Variants in EGLN1 observed in about 807,000 individuals in gnomAD.
EGLN1 encodes egl nine homolog 1.
Under a neutral mutation model 38.3 loss-of-function variants are expected in EGLN1, and 17 were observed. The ratio of observed to expected loss-of-function variants is 0.44; its 90% CI spans 0.30 to 0.67. EGLN1 has a LOEUF of 0.67. Among genes scored for constraint, EGLN1 ranks in the 30% least tolerant of loss-of-function variants. The probability of loss-of-function intolerance (pLI) is 0.08; values close to 1 mark genes in which losing one functional copy is unlikely to be tolerated. For missense variants in EGLN1, 477 were observed against 603.3 expected, an observed-to-expected ratio of 0.79 and a Z score of 2.19; for synonymous variants, 283 against 257.5, an observed-to-expected ratio of 1.10 and a Z score of -0.95.
At chr1:231,417,572 GAA>G (rs1036027153) in intron 1 of EGLN1, among the ~76,000 whole-genome samples, 1 of 152,074 alleles carries the variant, frequency 6.6e-6, no homozygotes, top group African/African-American at 2.4e-5. Flanking sequence ...TCTTCTTGAT[GAA>G]AACAAGCATA....
chr1:231,394,195 G>T (rs1435143666), intron 1 of EGLN1, among the ~76,000 whole-genome samples: 1 of 152,052 alleles, frequency 6.6e-6, no homozygotes, highest in African/African-American at 2.4e-5. Flanking sequence ...CAAGCTACTA[G>T]CACCACTGGA....
intron 1 of EGLN1, among the ~76,000 whole-genome samples, chr1:231,403,767 CAAAAAAAAAAAAA>C (rs1167705317): frequency 2.2e-4 from 4 of 18,304 alleles, no homozygotes; most frequent in East Asian, 2.0e-3. Flanking sequence ...GACTCCATCT[CAAAAAAAAAAAAA>C]AAAAAAAAAA....
At chr1:231,366,769 G>A (rs906000229) in intron 4 of EGLN1, among the ~76,000 whole-genome samples, 2 of 152,178 alleles carry the variant, frequency 1.3e-5, no homozygotes, top group Admixed American at 6.5e-5. Flanking sequence ...GTCTCTGAAA[G>A]CACACTGAGC....
chr1:231,404,060 A>T (rs1688728451), intron 1 of EGLN1, among the ~76,000 whole-genome samples: 1 of 152,132 alleles, frequency 6.6e-6, no homozygotes, highest in African/African-American at 2.4e-5. Context: ...AACACTAAAA[A>T]AGCTACTCCC....
At chr1:231,381,095 T>G (rs1448801699) in intron 1 of EGLN1, among the ~76,000 whole-genome samples, 1 of 152,082 alleles carries the variant, frequency 6.6e-6, no homozygotes, top group East Asian at 1.9e-4. Context: ...TTTCTAGAGA[T>G]GGGCTCTCAC....
At chr1:231,397,721 T>C (rs771783344) in intron 1 of EGLN1, among the ~76,000 whole-genome samples, 19 of 152,208 alleles carry the variant, frequency 1.2e-4, no homozygotes, top group Non-Finnish European at 2.4e-4. Flanking sequence ...TTCAAAAATA[T>C]TTAACTTAAT....
chr1:231,404,487 G>A (rs1471657486), intron 1 of EGLN1, among the ~76,000 whole-genome samples: 1 of 152,062 alleles, frequency 6.6e-6, no homozygotes, highest in African/African-American at 2.4e-5. Flanking sequence ...AGTAAGACCT[G>A]TAAAATAAGG....
chr1:231,376,356 T>C (rs1166135802), intron 1 of EGLN1, among the ~76,000 whole-genome samples: 1 of 152,198 alleles, frequency 6.6e-6, no homozygotes, highest in East Asian at 1.9e-4. Flanking sequence ...AGTCATTTAG[T>C]AGCCTTCTAG....
At chr1:231,414,812 T>C (rs537143484) in intron 1 of EGLN1, among the ~76,000 whole-genome samples, 1 of 147,964 alleles carries the variant, frequency 6.8e-6, no homozygotes, top group South Asian at 2.2e-4. Flanking sequence ...CACAGCTCAC[T>C]GCAACCTCTA....
chr1:231,387,549 C>T (rs1487577399), intron 1 of EGLN1, among the ~76,000 whole-genome samples: 4 of 151,704 alleles, frequency 2.6e-5, no homozygotes, highest in Admixed American at 6.6e-5. Flanking sequence ...TTAGTAGAGA[C>T]GGGGTTTCGC....
chr1:231,416,342 TCTC>T (rs889937192), intron 1 of EGLN1, among the ~76,000 whole-genome samples: 6 of 151,810 alleles, frequency 4.0e-5, no homozygotes, highest in Non-Finnish European at 7.4e-5. Flanking sequence ...TCTATTATCA[TCTC>T]CTCCTCCTCC....
intron 1 of EGLN1, among the ~76,000 whole-genome samples, chr1:231,379,427 T>A (rs1688029572): frequency 6.6e-6 from 1 of 152,190 alleles, no homozygotes; most frequent in Admixed American, 6.5e-5. Flanking sequence ...AACTTCTAAA[T>A]AAAGACCAAA....
At chr1:231,391,095 TGTGTG>T (rs1558387203) in intron 1 of EGLN1, among the ~76,000 whole-genome samples, 10 of 60,418 alleles carry the variant, frequency 1.7e-4, no homozygotes, top group African/African-American at 4.1e-4. Flanking sequence ...TTTTTTTTTG[TGTGTG>T]TGTGTGTGTG....
At chr1:231,377,475 G>GGA (rs1325676060) in intron 1 of EGLN1, among the ~76,000 whole-genome samples, 1 of 152,202 alleles carries the variant, frequency 6.6e-6, no homozygotes, top group Non-Finnish European at 1.5e-5. Flanking sequence ...GCTAATGAGT[G>GGA]GAGAGTAAGA....
chr1:231,380,170 AAGAGAAC>A (rs1688048489), intron 1 of EGLN1, among the ~76,000 whole-genome samples: 1 of 152,192 alleles, frequency 6.6e-6, no homozygotes, highest in African/African-American at 2.4e-5. Flanking sequence ...GTACAGAGAG[AAGAGAAC>A]AGAGAACAGA....
intron 1 of EGLN1, among the ~76,000 whole-genome samples, chr1:231,385,939 C>A (rs575557662): frequency 6.6e-6 from 1 of 152,212 alleles, no homozygotes; most frequent in South Asian, 2.1e-4. Context: ...CAGCCTCAGC[C>A]TCCTGGGCTC....
At chr1:231,402,943 G>A (rs1381140345) in intron 1 of EGLN1, among the ~76,000 whole-genome samples, 1 of 150,894 alleles carries the variant, frequency 6.6e-6, no homozygotes, top group Non-Finnish European at 1.5e-5. Flanking sequence ...TGTTAGTGTA[G>A]GTCTATTTCT....
chr1:231,411,635 A>T (rs150666823), intron 1 of EGLN1, among the ~76,000 whole-genome samples: 3 of 152,116 alleles, frequency 2.0e-5, no homozygotes, highest in Non-Finnish European at 2.9e-5. Context: ...CTGACAATCT[A>T]ATGTTTACCC....
chr1:231,366,533 G>A lies in EGLN1; in HGVS notation c.1217-58C>T, dbSNP rs1341892377. On this transcript the variant is annotated intron_variant, in intron 4 of 4. Coordinates refer to ENST00000366641, the MANE Select transcript of EGLN1 (RefSeq NM_022051.3). ...ATTCACTAAGCACCAGAGAGCTTCT[G>A]CTACTGCATTCCACTGAATTCCTAA... 385 of 1,498,424 alleles carry A rather than the reference G, an allele frequency of 2.6e-4. 1 individual carries two copies. Among genetic ancestry groups the A allele is most frequent in the Non-Finnish European group, 1.5e-5 (16 of 1,079,018 alleles). 92.8% of individuals were successfully genotyped at this position (1,498,424 alleles called of 1,614,324 possible). A position where few individuals can be genotyped will look rare whatever the true frequency, so the allele number is the denominator to read the frequency against.
Sources: allele counts gnomAD v4.1 joint callset (sites outside exome capture counted in the v4.1 genomes callset), GRCh38; gene constraint gnomAD v4.1.1; transcripts MANE v1.5; gene names NCBI Gene and HGNC (gene_info 2026-07-23, HGNC 2026-07-21).